The following RUFY3 variants were observed in gnomAD, a reference collection of about 807,000 sequenced individuals.
RUFY3 encodes the protein RUN and FYVE domain containing 3.
In RUFY3, 34 loss-of-function variants were observed where a neutral mutation model predicts 84.0. That is an observed-to-expected ratio of 0.40 (90% confidence interval 0.31 to 0.54). The LOEUF (loss-of-function observed/expected upper bound fraction) is 0.54, where lower values mean the gene tolerates loss of function less well. RUFY3 is among the 20% of genes least tolerant of loss of function. The pLI is 0.39. For missense variants in RUFY3, 507 were observed against 736.8 expected (o/e 0.69, Z 3.61); for synonymous variants, 242 against 252.9 (o/e 0.96, Z 0.41).
chr4:70,800,107 A>G (rs1279644713), intron 14 of RUFY3, 34 bp from the exon 15 acceptor site: 1 of 1,588,196 alleles, frequency 6.3e-7, no homozygotes, highest in Non-Finnish European at 8.6e-7. Context: ...AGCATTCTGA[A>G]TAATTAATAA....
chr4:70,718,183 CTT>C (rs966857694), upstream of RUFY3, among the ~76,000 whole-genome samples: 4 of 151,910 alleles, frequency 2.6e-5, no homozygotes, highest in Non-Finnish European at 5.9e-5. Flanking sequence ...GCACCCAGCC[CTT>C]TACATGGCAT....
At chr4:70,799,058 T>A (rs1731887725) in intron 14 of RUFY3, among the ~76,000 whole-genome samples, 1 of 145,420 alleles carries the variant, frequency 6.9e-6, no homozygotes, top group Non-Finnish European at 1.5e-5. Context: ...GGCAGGAGAC[T>A]CGCTTGAAAC....
exon 1 of RUFY3, chr4:70,705,097 A>G (rs1294828551): frequency 1.8e-5 from 24 of 1,356,738 alleles, no homozygotes; most frequent in Non-Finnish European, 2.0e-5. Flanking sequence ...CCCGCCGGGC[A>G]GTCGGAGCCC....
chr4:70,729,702 A>G (rs1465159055), intron 1 of RUFY3, among the ~76,000 whole-genome samples: 3 of 152,214 alleles, frequency 2.0e-5, no homozygotes, highest in Non-Finnish European at 2.9e-5. Flanking sequence ...AAGCCACAGC[A>G]GTTTAAGCCG....
At chr4:70,787,714 G>C (rs933512694) in intron 10 of RUFY3, among the ~76,000 whole-genome samples, 4 of 152,106 alleles carry the variant, frequency 2.6e-5, no homozygotes, top group Non-Finnish European at 4.4e-5. Flanking sequence ...ATTTTAAGAA[G>C]GGGTATGATT....
At chr4:70,726,061 A>C (rs1718181391) in intron 1 of RUFY3, among the ~76,000 whole-genome samples, 1 of 152,230 alleles carries the variant, frequency 6.6e-6, no homozygotes, top group African/African-American at 2.4e-5. Context: ...ATGGATCAGA[A>C]GGATATAAGC....
chr4:70,721,254 A>G (rs774429051), upstream of RUFY3, among the ~76,000 whole-genome samples: 4 of 152,060 alleles, frequency 2.6e-5, no homozygotes, highest in Non-Finnish European at 4.4e-5. Flanking sequence ...AGATCACGCC[A>G]CTGCACTCCA....
chr4:70,707,082 C>T (rs1740420345), intron 1 of RUFY3, among the ~76,000 whole-genome samples: 1 of 152,100 alleles, frequency 6.6e-6, no homozygotes, highest in Non-Finnish European at 1.5e-5. Context: ...TGACTGGACT[C>T]CCTCATTGTT....
intron 1 of RUFY3, among the ~76,000 whole-genome samples, chr4:70,710,160 T>G (rs1349367201): frequency 2.0e-5 from 3 of 152,122 alleles, no homozygotes; most frequent in Non-Finnish European, 4.4e-5. Context: ...AACCCAGGAA[T>G]TAGTGTTTAA....
At chr4:70,779,744 G>C (rs78006066) in intron 8 of RUFY3, among the ~76,000 whole-genome samples, 1 of 151,788 alleles carries the variant, frequency 6.6e-6, no homozygotes, top group African/African-American at 2.4e-5. Flanking sequence ...CACCACACCT[G>C]GCTATTTTTA....
intron 1 of RUFY3, among the ~76,000 whole-genome samples, chr4:70,706,966 A>T (rs2148549777): frequency 6.6e-6 from 1 of 152,348 alleles, no homozygotes; most frequent in South Asian, 2.1e-4. Context: ...GCTACTATAG[A>T]AAGAAGACTG....
chr4:70,715,588 CAAAAAAA>C (rs886636641), intron 1 of RUFY3, among the ~76,000 whole-genome samples: 7 of 46,680 alleles, frequency 1.5e-4, no homozygotes, highest in South Asian at 2.2e-3. Context: ...ACACTATCTC[CAAAAAAA>C]AAAAAAAAAA....
intron 1 of RUFY3, among the ~76,000 whole-genome samples, chr4:70,711,064 G>GAAAAAAAA (rs950005722): frequency 2.2e-4 from 12 of 54,086 alleles, no homozygotes; most frequent in East Asian, 1.7e-3. Flanking sequence ...ACTCCGTCTG[G>GAAAAAAAA]AAAAAAAAAA....
In RUFY3 at chr4:70,764,459, TTC is replaced by T; in HGVS notation, c.471-14_471-13del. ...GTGCTTATGTTTTCAGTTGTTTGAT[TTC>T]TGTGTTTTTGTAGGACACCAGTAGG... On this transcript the variant is annotated splice_polypyrimidine_tract_variant and intron_variant, in intron 3 of 17. Coordinates refer to ENST00000381006, the MANE Select transcript of RUFY3 (RefSeq NM_001037442.4). 1 of 1,562,684 alleles carries T rather than the reference TTC, an allele frequency of 6.4e-7. No homozygotes were observed. The highest frequency in any genetic ancestry group is 2.2e-5 in the East Asian group (1 of 44,654).
At position 70,801,882 on chromosome 4, in the gene RUFY3, G is replaced by A. The variant is rs145601197; in HGVS notation, c.1623-1074G>A. 1.1e-3 allele frequency among the ~76,000 whole-genome samples: 171 copies of A among 152,258 alleles called. 1 individual carries two copies. The highest frequency in any genetic ancestry group is 6.8e-3 in the Middle Eastern group (2 of 294). On this transcript the variant is annotated intron_variant, in intron 15 of 17. Coordinates refer to ENST00000381006, the MANE Select transcript of RUFY3 (RefSeq NM_001037442.4). ...CCAGGTGCCTTTCAGGGTCAGCCTC[G>A]TTCCAAACTAAAATCAAATCATTTA...
chr4:70,759,708 T>G (rs1485534564), intron 1 of RUFY3, among the ~76,000 whole-genome samples: 4 of 152,222 alleles, frequency 2.6e-5, no homozygotes, highest in Admixed American at 1.3e-4. Context: ...TTGTTAGTAA[T>G]AGCCATTCTG....
chr4:70,794,743 T>A, intron 13 of RUFY3, 52 bp from the exon 14 acceptor site: 1 of 1,161,116 alleles, frequency 8.6e-7, no homozygotes, highest in South Asian at 1.2e-5. Flanking sequence ...TTAGAGAATA[T>A]GTCTGTATAG....
At position 70,768,598 on chromosome 4, in the gene RUFY3, G is replaced by T. The variant is rs1320201803; in HGVS notation, c.633G>T (p.Leu211=). ...MEEEGAIIAG[L]LVGLNVIDAN... ...AAGAAGGAGCCATAATTGCTGGTCT[G>T]TTGGTGGGTCTGAATGTCATTGATG... is the stretch of plus-strand genomic sequence containing the variant. Residue 211 remains leucine, a synonymous_variant, in exon 5 of 18, where the codon CTG becomes CTT. Coordinates refer to ENST00000381006, the MANE Select transcript of RUFY3 (RefSeq NM_001037442.4). The T allele has an allele frequency of 2.5e-6, 4 of 1,613,986 alleles. No individual in the cohort carries two copies. The highest frequency in any genetic ancestry group is 2.7e-5 in the African/African-American group (2 of 75,018).
intron 8 of RUFY3, among the ~76,000 whole-genome samples, chr4:70,782,069 T>C (rs1001815607): frequency 2.0e-5 from 3 of 152,204 alleles, no homozygotes; most frequent in African/African-American, 7.2e-5. Flanking sequence ...GGAGTTCATG[T>C]CTTTAATCTT....
Sources: gnomAD v4.1 joint callset for allele counts (sites outside exome capture counted in the v4.1 genomes callset) on GRCh38, gnomAD v4.1.1 for gene constraint, MANE v1.5 for transcripts, NCBI Gene and HGNC (gene_info 2026-07-23, HGNC 2026-07-21) for gene names.